The following FKBP3 variants were observed in gnomAD, a reference collection of about 807,000 sequenced individuals.
The protein encoded by FKBP3 is peptidyl-prolyl cis-trans isomerase FKBP3.
In FKBP3, 21 loss-of-function variants were observed where a neutral mutation model predicts 30.6. The ratio of observed to expected loss-of-function variants is 0.69; its 90% CI spans 0.49 to 0.99. The LOEUF (loss-of-function observed/expected upper bound fraction) is 0.99, where lower values mean the gene tolerates loss of function less well. FKBP3 is among the 50% of genes least tolerant of loss of function. FKBP3 has a pLI of 0.00. For missense variants in FKBP3, 283 were observed against 261.6 expected (o/e 1.08, Z -0.56); for synonymous variants, 82 against 91.3 (o/e 0.90, Z 0.58).
rs758034623 is a variant in FKBP3, at chr14:45,134,342, C to T, written c.108+7G>A. ...CACCAGCCCGGCCGCCCCTACGCCT[C>T]TGGTACCGAATCTGAACCGTGTTCC... On this transcript the variant is annotated splice_region_variant and intron_variant, in intron 1 of 6. Transcript: ENST00000396062. 6.2e-7 allele frequency: 1 copy of T among 1,611,558 alleles called. No homozygotes were observed. Among genetic ancestry groups the T allele is most frequent in the Non-Finnish European group, 8.5e-7 (1 of 1,177,978 alleles).
chr14:45,124,129 C>T (rs1345123289), intron 3 of FKBP3, among the ~76,000 whole-genome samples: 3 of 152,010 alleles, frequency 2.0e-5, no homozygotes, highest in Admixed American at 1.3e-4. Flanking sequence ...AGGCCTAAAC[C>T]ATGCAGGATC....
At chr14:45,124,797 T>G (rs1452561803) in intron 3 of FKBP3, among the ~76,000 whole-genome samples, 1 of 152,118 alleles carries the variant, frequency 6.6e-6, no homozygotes, top group Non-Finnish European at 1.5e-5. Flanking sequence ...AAAGGGAGAA[T>G]GGCATGAAAT....
chr14:45,118,188 C>G (rs1057506615), intron 5 of FKBP3, 63 bp from the exon 6 acceptor site: 4 of 889,582 alleles, frequency 4.5e-6, no homozygotes, highest in Non-Finnish European at 7.2e-6. Flanking sequence ...AATACCAGGA[C>G]AGTCAAGACA....
intron 1 of FKBP3, among the ~76,000 whole-genome samples, chr14:45,132,782 C>T (rs967951551): frequency 2.0e-5 from 3 of 151,972 alleles, no homozygotes; most frequent in Non-Finnish European, 4.4e-5. Context: ...TTTTGATAAT[C>T]CAAGTCTGTT....
chr14:45,119,878 G>A (rs1884944602), intron 5 of FKBP3, among the ~76,000 whole-genome samples: 1 of 151,726 alleles, frequency 6.6e-6, no homozygotes, highest in Non-Finnish European at 1.5e-5. Flanking sequence ...TAGTAGAGAC[G>A]GGTTTCACAG....
At position 45,121,557 on chromosome 14, in the gene FKBP3, C is replaced by T; in HGVS notation, c.382G>A (p.Gly128Arg). Residue 128 changes from glycine to arginine, a missense_variant, in exon 4 of 7, where the codon GGA (glycine) becomes AGA (arginine). Transcript: ENST00000396062. ...GTATACCAGCAGTGAACAACATCTC[C>T]CTTTTTGGGAAAGTTGGTTTTATCT... ...KGDKTNFPKK[G>R]DVVHCWYTGT... is the part of the protein sequence containing the mutation. The T allele has an allele frequency of 1.2e-6, 2 of 1,613,664 alleles. No individual in the cohort carries two copies. The highest frequency in any genetic ancestry group is 1.7e-6 in the Non-Finnish European group (2 of 1,179,768).
chr14:45,132,519 T>C (rs1277248541), intron 1 of FKBP3, among the ~76,000 whole-genome samples: 1 of 152,002 alleles, frequency 6.6e-6, no homozygotes, highest in Admixed American at 6.6e-5. Flanking sequence ...TGCCTCAGCC[T>C]CCCGAACAGC....
intron 3 of FKBP3, 44 bp from the exon 4 acceptor site, chr14:45,121,664 T>G: frequency 1.3e-6 from 2 of 1,592,090 alleles, no homozygotes; most frequent in Non-Finnish European, 1.7e-6. Context: ...TATTAATTTG[T>G]GTCCTTTAAA....
chr14:45,132,654 CT>C (rs1885244403), intron 1 of FKBP3, among the ~76,000 whole-genome samples: 1 of 152,002 alleles, frequency 6.6e-6, no homozygotes. Context: ...TCAGGATGGT[CT>C]CGATCTCCTG....
chr14:45,117,244 T>C (rs1352233079), intron 6 of FKBP3, among the ~76,000 whole-genome samples: 2 of 152,234 alleles, frequency 1.3e-5, no homozygotes, highest in Admixed American at 6.5e-5. Context: ...AGTGCTGGGA[T>C]TACAGGCATT....
In FKBP3 at chr14:45,115,789, G is replaced by A. The variant is rs952087709; in HGVS notation, c.*409C>T. Reference sequence around the variant, plus strand: ...ATGCTTTTGCCTTCTCATTATACAGGCAATCTGTCCAGATAATTTTACTGG... The same window carrying A: ...ATGCTTTTGCCTTCTCATTATACAGACAATCTGTCCAGATAATTTTACTGG... On this transcript the variant is annotated 3_prime_UTR_variant, in exon 7 of 7. Transcript: ENST00000396062. 1.9e-5 allele frequency: 3 copies of A among 155,282 alleles called. No individual in the cohort carries two copies. Among genetic ancestry groups the A allele is most frequent in the Admixed American group, 6.4e-5 (1 of 15,616 alleles). 9.6% of individuals were successfully genotyped at this position (155,282 alleles called of 1,614,324 possible).
intron 1 of FKBP3, 57 bp downstream of exon 1, chr14:45,134,292 A>AG (rs377237372): frequency 1.6e-5 from 22 of 1,346,860 alleles, no homozygotes; most frequent in South Asian, 9.5e-5. Flanking sequence ...GGGCATCTCC[A>AG]GGGGGGTGAG....
chr14:45,124,543 T>TTATA (rs111848799), intron 3 of FKBP3, among the ~76,000 whole-genome samples: 3 of 138,208 alleles, frequency 2.2e-5, no homozygotes, highest in African/African-American at 6.7e-5. Context: ...AAAAAAAAAA[T>TTATA]TATATATATA....
intron 1 of FKBP3, among the ~76,000 whole-genome samples, chr14:45,133,098 A>C (rs1380625634): frequency 6.6e-6 from 1 of 152,206 alleles, no homozygotes; most frequent in East Asian, 1.9e-4. Context: ...ATAATTAAGG[A>C]AGAAGGCACT....
At chr14:45,125,822 T>C (rs927414988) in intron 3 of FKBP3, among the ~76,000 whole-genome samples, 1 of 151,832 alleles carries the variant, frequency 6.6e-6, no homozygotes, top group African/African-American at 2.4e-5. Context: ...AAGGACACTC[T>C]AAGGAAGAAA....
intron 6 of FKBP3, among the ~76,000 whole-genome samples, chr14:45,117,111 ACAGGCCTGCAACACC>A (rs1467617920): frequency 6.6e-6 from 1 of 151,968 alleles, no homozygotes; most frequent in Admixed American, 6.6e-5. Context: ...AGCTGGGATT[ACAGGCCTGCAACACC>A]ACGCCTGGCT....
chr14:45,121,992 A>C (rs1884995423), intron 3 of FKBP3, among the ~76,000 whole-genome samples: 1 of 152,164 alleles, frequency 6.6e-6, no homozygotes, highest in East Asian at 1.9e-4. Context: ...CTTCCCCCCC[A>C]CAAAGATTTG....
In FKBP3 at chr14:45,118,143, A is replaced by G. The variant is rs773477940; in HGVS notation, c.523-18T>C. 1 of 1,520,058 alleles carries G rather than the reference A, an allele frequency of 6.6e-7. No individual in the cohort carries two copies. The highest frequency in any genetic ancestry group is 9.0e-7 in the Non-Finnish European group (1 of 1,114,870). The allele number at this position is 1,520,058 out of a possible 1,614,324, so 94.2% of individuals were successfully genotyped here. ...TCATCCCACTAAAGGCAAGAACAAA[A>G]TAAAAACTAATGGTATTTTGCAAAA... On this transcript the variant is annotated intron_variant, in intron 5 of 6. Transcript: ENST00000396062.
chr14:45,127,821 A>G (rs1277985194), intron 3 of FKBP3, among the ~76,000 whole-genome samples: 3 of 152,162 alleles, frequency 2.0e-5, no homozygotes, highest in Admixed American at 6.5e-5. Context: ...AGAAATGAAC[A>G]ACGTTTTTAA....
Sources: allele counts gnomAD v4.1 joint callset (sites outside exome capture counted in the v4.1 genomes callset), GRCh38; gene constraint gnomAD v4.1.1; transcripts MANE v1.5; gene names NCBI Gene and HGNC (gene_info 2026-07-23, HGNC 2026-07-21).